GFRA2: variants seen among roughly 807,000 people sequenced by gnomAD.
The protein encoded by GFRA2 is GDNF family receptor alpha-2.
GFRA2 carries 17 observed loss-of-function variants against 48.3 expected under a neutral mutation model. The ratio of observed to expected loss-of-function variants is 0.35; its 90% CI spans 0.24 to 0.53. The LOEUF is 0.53. Ranked by LOEUF, GFRA2 falls within the 20% of genes least tolerant of loss-of-function variation. The pLI, the probability that GFRA2 is intolerant of heterozygous loss-of-function variation, is 0.93. For synonymous variants in GFRA2, 305 were observed against 257.2 expected (o/e 1.19, Z -1.78); for missense variants, 660 against 637.3 (o/e 1.04, Z -0.38).
chr8:21,725,304 C>A (rs145320844), intron 4 of GFRA2, among the ~76,000 whole-genome samples: 1 of 152,154 alleles, frequency 6.6e-6, no homozygotes, highest in African/African-American at 2.4e-5. Flanking sequence ...ACAAAGCAAT[C>A]GGCAGCTGTG....
At chr8:21,745,983 G>A (rs1279733276) in intron 4 of GFRA2, among the ~76,000 whole-genome samples, 1 of 152,218 alleles carries the variant, frequency 6.6e-6, no homozygotes, top group Admixed American at 6.5e-5. Context: ...GAGGGAGAAA[G>A]CAGACAGGAA....
intron 4 of GFRA2, among the ~76,000 whole-genome samples, chr8:21,712,496 G>A (rs1044745702): frequency 5.3e-5 from 8 of 151,292 alleles, no homozygotes; most frequent in East Asian, 1.9e-4. Flanking sequence ...GATGGCGGGC[G>A]GGCAGAGACG....
chr8:21,787,319 T>C (rs1227590105), intron 1 of GFRA2, among the ~76,000 whole-genome samples: 1 of 150,148 alleles, frequency 6.7e-6, no homozygotes, highest in Non-Finnish European at 1.5e-5. Context: ...TTCAGACCCG[T>C]TTTTCCTCCC....
At chr8:21,747,232 G>T (rs1052921689) in intron 4 of GFRA2, among the ~76,000 whole-genome samples, 1 of 152,178 alleles carries the variant, frequency 6.6e-6, no homozygotes, top group Non-Finnish European at 1.5e-5. Flanking sequence ...AGAAGCGAAT[G>T]TGTCTCAAAT....
chr8:21,782,453 T>C, intron 2 of GFRA2, 132 bp downstream of exon 2: 1 of 686,618 alleles, frequency 1.5e-6, no homozygotes, highest in Admixed American at 2.7e-5. Flanking sequence ...TAGGTTCCCC[T>C]AGCAGGTAGA....
In GFRA2 at chr8:21,809,490, A is replaced by AT. The variant is rs5890006; in HGVS notation, c.-148+2740dup. On this transcript the variant is annotated intron_variant, in intron 1 of 10. Transcript: ENST00000517328. ...CAGGCGCCCGCCACCATGCCCAGCT[A>AT]TTTTTTTTTTGTATTTTTAGTAGAA... Among the ~76,000 whole-genome samples, 1,179 of 150,376 alleles carry AT rather than the reference A, an allele frequency of 7.8e-3. 2 individuals are homozygous for AT. The highest frequency in any genetic ancestry group is 0.012 in the Non-Finnish European group (816 of 67,398).
At chr8:21,809,364 G>A (rs1419793427) in intron 1 of GFRA2, among the ~76,000 whole-genome samples, 11 of 152,284 alleles carry the variant, frequency 7.2e-5, no homozygotes, top group African/African-American at 2.4e-4. Flanking sequence ...TCGCTCAGTC[G>A]CCCAGGCTGG....
At chr8:21,737,262 G>C (rs893113756) in intron 4 of GFRA2, among the ~76,000 whole-genome samples, 1 of 152,144 alleles carries the variant, frequency 6.6e-6, no homozygotes, top group Non-Finnish European at 1.5e-5. Context: ...TCAGCTACTT[G>C]GGAGGCTGAG....
intron 7 of GFRA2, among the ~76,000 whole-genome samples, chr8:21,700,969 T>A (rs535347114): frequency 6.6e-6 from 1 of 152,046 alleles, no homozygotes; most frequent in Admixed American, 6.5e-5. Context: ...CTAGGGGAGC[T>A]GAGAGACAGG....
chr8:21,801,223 C>T (rs1807764068), intron 2 of GFRA2, among the ~76,000 whole-genome samples: 1 of 152,116 alleles, frequency 6.6e-6, no homozygotes, highest in Non-Finnish European at 1.5e-5. Context: ...TTGGATCAGA[C>T]CCAGGAATAT....
At chr8:21,784,564 G>A (rs950541533) in intron 1 of GFRA2, among the ~76,000 whole-genome samples, 1 of 152,120 alleles carries the variant, frequency 6.6e-6, no homozygotes, top group African/African-American at 2.4e-5. Flanking sequence ...CTTCGCTCCC[G>A]AGAGCCCCCA....
At chr8:21,702,747 T>G in intron 7 of GFRA2, 58 bp downstream of exon 7, 1 of 1,497,334 alleles carries the variant, frequency 6.7e-7, no homozygotes, top group Non-Finnish European at 8.9e-7. Flanking sequence ...CTGAGTCATT[T>G]CCCATGCCAC....
intron 4 of GFRA2, among the ~76,000 whole-genome samples, chr8:21,719,017 GC>G (rs942343547): frequency 4.6e-5 from 7 of 151,790 alleles, no homozygotes; most frequent in East Asian, 1.9e-4. Flanking sequence ...TGCCTCCTTG[GC>G]CCCCCCTTGC....
chr8:21,788,938 C>T, upstream of GFRA2: 2 of 383,380 alleles, frequency 5.2e-6, no homozygotes, highest in Non-Finnish European at 7.2e-6. Flanking sequence ...CGCCCGCCCC[C>T]TTCTCCCTTC....
At chr8:21,694,626 A>G in intron 7 of GFRA2, 109 bp from the exon 8 acceptor site, 1 of 971,424 alleles carries the variant, frequency 1.0e-6, no homozygotes, top group Non-Finnish European at 1.6e-6. Flanking sequence ...TCCGCTAAGC[A>G]CAGCCAGCGC....
In GFRA2 at chr8:21,714,246, C is replaced by CTTTTTTTTTTTTTTTTTTTTTTT. The variant is rs10674628; in HGVS notation, c.795-8228_795-8206dup. On this transcript the variant is annotated intron_variant, in intron 4 of 8. Transcript: ENST00000524240. The stretch of plus-strand genomic sequence containing the variant: ...GATCAATACATACTGGTCTGAAGTT[C>CTTTTTTTTTTTTTTTTTTTTTTT]TTTTTTTTTTTTTTTTTTTTTTTGA... 1.3e-4 allele frequency among the ~76,000 whole-genome samples: 10 copies of CTTTTTTTTTTTTTTTTTTTTTTT among 78,400 alleles called. 3 individuals carry two copies. Among genetic ancestry groups the CTTTTTTTTTTTTTTTTTTTTTTT allele is most frequent in the African/African-American group, 5.2e-4 (10 of 19,302 alleles). The allele number at this position is 78,400 out of a possible 152,430, so 51.4% of individuals were successfully genotyped here.
intron 4 of GFRA2, among the ~76,000 whole-genome samples, chr8:21,734,690 G>A (rs939092850): frequency 7.9e-5 from 12 of 152,358 alleles, no homozygotes; most frequent in African/African-American, 2.6e-4. Flanking sequence ...GGCGAGACTT[G>A]ACCTTTTGTC....
chr8:21,791,686 T>C (rs1271503313), upstream of GFRA2, among the ~76,000 whole-genome samples: 1 of 152,140 alleles, frequency 6.6e-6, no homozygotes, highest in African/African-American at 2.4e-5. Flanking sequence ...TTGTAGAAAT[T>C]ACATAAGATA....
intron 1 of GFRA2, among the ~76,000 whole-genome samples, chr8:21,811,417 T>G (rs1378571257): frequency 6.6e-6 from 1 of 152,202 alleles, no homozygotes; most frequent in East Asian, 1.9e-4. Flanking sequence ...TTTCCCAGGC[T>G]GGATCAGAGG....
Sources: allele counts gnomAD v4.1 joint callset (sites outside exome capture counted in the v4.1 genomes callset), GRCh38; gene constraint gnomAD v4.1.1; transcripts MANE v1.5; gene names NCBI Gene and HGNC (gene_info 2026-07-23, HGNC 2026-07-21).